The following PTPRZ1 variants were observed in gnomAD, a reference collection of about 807,000 sequenced individuals.
PTPRZ1 encodes the protein protein tyrosine phosphatase receptor type Z1.
In PTPRZ1, 82 loss-of-function variants were observed where a neutral mutation model predicts 214.1. The observed-to-expected ratio is 0.38, with a 90% CI of 0.32 to 0.46. PTPRZ1 has a LOEUF of 0.46. Among genes scored for constraint, PTPRZ1 ranks in the 20% least tolerant of loss-of-function variants. The pLI, the probability that PTPRZ1 is intolerant of heterozygous loss-of-function variation, is 1.00. For missense variants in PTPRZ1, 2,603 were observed against 2,748.7 expected (o/e 0.95, Z 1.19); for synonymous variants, 945 against 987.9 (o/e 0.96, Z 0.81).
intron 1 of PTPRZ1, among the ~76,000 whole-genome samples, chr7:121,926,967 G>A (rs995862404): frequency 6.6e-6 from 1 of 152,076 alleles, no homozygotes; most frequent in Non-Finnish European, 1.5e-5. Flanking sequence ...TGAATTTTAA[G>A]TGTGCATTTC....
chr7:122,059,632 TTCATTAAAAG>T, intron 28 of PTPRZ1, 111 bp from the exon 29 acceptor site: 1 of 1,109,234 alleles, frequency 9.0e-7, no homozygotes, highest in Non-Finnish European at 1.3e-6. Flanking sequence ...AGAGAGACAA[TTCATTAAAAG>T]TTTCAGTGTT....
chr7:121,976,244 A>G lies in PTPRZ1; in HGVS notation c.528A>G (p.Leu176=), dbSNP rs1286133299. The change falls in exon 5 of 30, where the codon TTA becomes TTG. Residue 176 remains leucine (L), a synonymous_variant. Transcript: ENST00000393386. ...AAGCAGTCAAAGGAAAAGGGAAGTT[A>G]AGAGCTTTATCCATTTTGTTTGAGG... ...FEEAVKGKGK[L]RALSILFEVG... 4 of 1,607,206 alleles carry G rather than the reference A, an allele frequency of 2.5e-6. No homozygotes were observed. In the African/African-American group the frequency reaches 4.0e-5, roughly 16 times the overall value.
rs1299978615 is a variant in PTPRZ1 at position 122,010,903 on chromosome 7, T to C, written c.1857T>C (p.Tyr619=). ...FSSENPETIT[Y]DVLIPESARN... ...CCGAAAACCCAGAGACAATAACATATGATGTCCTTATACCAGAATCTGCTA... is the reference window on the plus strand; with the variant it reads ...CCGAAAACCCAGAGACAATAACATACGATGTCCTTATACCAGAATCTGCTA... Residue 619 remains tyrosine, a synonymous_variant, in exon 12 of 30, where the codon TAT becomes TAC. Transcript: ENST00000393386. 3 of 1,613,924 alleles carry C rather than the reference T, an allele frequency of 1.9e-6. No individual in the cohort carries two copies. Among genetic ancestry groups the C allele is most frequent in the Admixed American group, 1.7e-5 (1 of 59,986 alleles).
chr7:121,944,208 C>A (rs1796309856), intron 2 of PTPRZ1, among the ~76,000 whole-genome samples: 1 of 152,134 alleles, frequency 6.6e-6, no homozygotes, highest in African/African-American at 2.4e-5. Flanking sequence ...TGTAAGTTAT[C>A]TTTACCTTAC....
chr7:121,998,475 A>G (rs924327133), intron 10 of PTPRZ1, among the ~76,000 whole-genome samples: 2 of 152,018 alleles, frequency 1.3e-5, no homozygotes, highest in Non-Finnish European at 2.9e-5. Context: ...CTATTTTTCT[A>G]CTTTTTATAA....
At chr7:121,885,801 C>T (rs1181282067) in intron 1 of PTPRZ1, among the ~76,000 whole-genome samples, 1 of 152,126 alleles carries the variant, frequency 6.6e-6, no homozygotes, top group Admixed American at 6.6e-5. Context: ...AATTCTATAG[C>T]ATCTGTCAAT....
At chr7:121,880,018 A>C (rs1193215098) in intron 1 of PTPRZ1, among the ~76,000 whole-genome samples, 1 of 152,214 alleles carries the variant, frequency 6.6e-6, no homozygotes, top group Admixed American at 6.5e-5. Flanking sequence ...ATTTGAAACC[A>C]TTAGTTAAAA....
intron 3 of PTPRZ1, among the ~76,000 whole-genome samples, chr7:121,971,947 G>A (rs1797262849): frequency 6.6e-6 from 1 of 152,104 alleles, no homozygotes; most frequent in Non-Finnish European, 1.5e-5. Flanking sequence ...TCATACAGGG[G>A]AGTTTAAGCT....
chr7:122,042,780 G>A lies in PTPRZ1; in HGVS notation c.5937+37G>A, dbSNP rs754136562. 11 of 1,573,554 alleles carry A rather than the reference G, an allele frequency of 7.0e-6. No homozygotes were observed. The Middle Eastern group carries it at 5.3e-4, about 75-fold the overall frequency. On this transcript the variant is annotated intron_variant, in intron 22 of 29. Coordinates refer to ENST00000393386, the MANE Select transcript of PTPRZ1 (RefSeq NM_002851.3). ...AAAAAGATGATTTTATTCATCTAAG[G>A]TATGGAAATGTCACTAAAATGTAGG... is the stretch of plus-strand genomic sequence containing the variant.
intron 12 of PTPRZ1, among the ~76,000 whole-genome samples, chr7:122,018,302 ACT>A (rs1407566337): frequency 1.3e-5 from 2 of 152,000 alleles, no homozygotes; most frequent in African/African-American, 4.8e-5. Flanking sequence ...CTGTTCTGAA[ACT>A]CTTTTTTTAA....
chr7:121,972,672 G>T lies in PTPRZ1; in HGVS notation c.436G>T (p.Gly146Ter). 1 of 1,602,772 alleles carries T rather than the reference G, an allele frequency of 6.2e-7. No homozygotes were observed. The highest frequency in any genetic ancestry group is 8.5e-7 in the Non-Finnish European group (1 of 1,175,154). The change falls in exon 4 of 30, where the codon GGA (glycine) becomes TGA (stop). Residue 146 changes from glycine to a stop codon, truncating the protein, a stop_gained. Coordinates refer to ENST00000393386, the MANE Select transcript of PTPRZ1 (RefSeq NM_002851.3). LOFTEE classifies it high-confidence loss of function. ...TGATGGATCAGAGCATAGTTTAGAA[G>T]GACAAAAATTTCCACTTGAGGTAAG... ...SSDGSEHSLE[G>*]QKFPLEMQIY...
At chr7:122,007,681 A>C (rs1197176164) in intron 11 of PTPRZ1, among the ~76,000 whole-genome samples, 1 of 152,112 alleles carries the variant, frequency 6.6e-6, no homozygotes, top group Admixed American at 6.6e-5. Context: ...ATCCTCTCCA[A>C]ACAGAAATGT....
At chr7:121,919,920 C>CA (rs1338537271) in intron 1 of PTPRZ1, among the ~76,000 whole-genome samples, 2 of 151,624 alleles carry the variant, frequency 1.3e-5, no homozygotes, top group Admixed American at 6.6e-5. Flanking sequence ...TATAAATTTT[C>CA]AAAAAAATTC....
At chr7:121,875,690 G>A (rs979887789) in intron 1 of PTPRZ1, among the ~76,000 whole-genome samples, 3 of 152,194 alleles carry the variant, frequency 2.0e-5, no homozygotes, top group African/African-American at 7.2e-5. Flanking sequence ...TAACAAAGTT[G>A]GCCTTTTACA....
intron 11 of PTPRZ1, among the ~76,000 whole-genome samples, chr7:122,005,641 T>C (rs1798463134): frequency 1.3e-5 from 2 of 151,998 alleles, no homozygotes; most frequent in South Asian, 2.1e-4. Flanking sequence ...TATGGAGATA[T>C]ATATATATAT....
chr7:121,941,793 C>T (rs776905104), intron 2 of PTPRZ1, among the ~76,000 whole-genome samples: 1 of 152,148 alleles, frequency 6.6e-6, no homozygotes, highest in Non-Finnish European at 1.5e-5. Flanking sequence ...AACTTCTTTA[C>T]CAAGCAATAA....
At chr7:122,005,205 T>C (rs1798449799) in intron 11 of PTPRZ1, among the ~76,000 whole-genome samples, 1 of 152,014 alleles carries the variant, frequency 6.6e-6, no homozygotes, top group South Asian at 2.1e-4. Flanking sequence ...TAGTCTATAC[T>C]TTTTAAAGAT....
rs57428996 is a variant in PTPRZ1 at position 122,013,083 on chromosome 7, G to T, written c.4037G>T (p.Gly1346Val). The change falls in exon 12 of 30, where the codon GGT (glycine) becomes GTT (valine). Residue 1346 changes from glycine (G) to valine (V), a missense_variant. Around this residue, in one of 6 missense-constraint regions of PTPRZ1, gnomAD observed 1,913 missense variants for 1,914.3 expected, o/e 1.00. Coordinates refer to ENST00000393386, the MANE Select transcript of PTPRZ1 (RefSeq NM_002851.3). ...ILTSTKSSVT[G>V]KVFAGIPTVA... ...ACCTCCACCAAAAGTTCTGTTACTG[G>T]TAAGGTATTTGCTGGTATTCCAACA... 4.3e-5 allele frequency: 69 copies of T among 1,613,544 alleles called. No homozygotes were observed. The African/African-American group carries it at 8.3e-4, about 19-fold the overall frequency.
At chr7:121,931,352 T>A (rs1301010832) in intron 2 of PTPRZ1, among the ~76,000 whole-genome samples, 2 of 152,002 alleles carry the variant, frequency 1.3e-5, no homozygotes, top group East Asian at 3.9e-4. Flanking sequence ...TAGAAGGAGG[T>A]TATTTTCCTC....
Sources: allele counts gnomAD v4.1 joint callset (sites outside exome capture counted in the v4.1 genomes callset), GRCh38; gene constraint gnomAD v4.1.1; regional missense constraint gnomAD v4.1.1; transcripts MANE v1.5; gene names NCBI Gene and HGNC (gene_info 2026-07-23, HGNC 2026-07-21).